The following MMP26 variants were observed in gnomAD, a reference collection of about 807,000 sequenced individuals.
The protein encoded by MMP26 is matrix metalloproteinase-26.
Under a neutral mutation model 31.0 loss-of-function variants are expected in MMP26, and 33 were observed. The ratio of observed to expected loss-of-function variants is 1.06; its 90% CI spans 0.81 to 1.42. MMP26 has a LOEUF of 1.42. MMP26 is among the 40% of genes most tolerant of loss of function. The pLI, the probability that MMP26 is intolerant of heterozygous loss-of-function variation, is 0.00. For synonymous variants in MMP26, 122 were observed against 114.9 expected (o/e 1.06, Z -0.40); for missense variants, 347 against 316.1 (o/e 1.10, Z -0.74).
chr11:4,771,022 A>C (rs577618338), intron 2 of MMP26, among the ~76,000 whole-genome samples: 1 of 152,286 alleles, frequency 6.6e-6, no homozygotes, highest in South Asian at 2.1e-4. Flanking sequence ...GTAATGATGA[A>C]AGTATTAGCA....
intron 1 of MMP26, among the ~76,000 whole-genome samples, chr11:4,708,279 T>G (rs1378660727): frequency 6.6e-6 from 1 of 152,176 alleles, no homozygotes; most frequent in Non-Finnish European, 1.5e-5. Flanking sequence ...CTATCTTTCT[T>G]TGCGTGTGTG....
chr11:4,882,687 C>T (rs755950632), intron 2 of MMP26: 2 of 1,613,946 alleles, frequency 1.2e-6, no homozygotes, highest in South Asian at 1.1e-5. Context: ...CTCTCTTTGG[C>T]ACACCGCCTC....
chr11:4,893,863 G>T (rs35495440), intron 2 of MMP26, among the ~76,000 whole-genome samples: 12,965 of 151,998 alleles, frequency 0.085, 689 homozygotes, highest in Middle Eastern at 0.19. Context: ...GTTTTGGGAA[G>T]CTGAGACAGG....
intron 2 of MMP26, chr11:4,881,753 TG>T: frequency 4.0e-6 from 3 of 742,720 alleles, no homozygotes; most frequent in Non-Finnish European, 6.6e-6. Context: ...TTAACCTTCC[TG>T]GGTCCATTTC....
chr11:4,923,505 A>G (rs1329562947), intron 2 of MMP26: 2 of 1,614,058 alleles, frequency 1.2e-6, no homozygotes, highest in Non-Finnish European at 1.7e-6. Flanking sequence ...TACACATAGG[A>G]CATGAAGAGG....
intron 2 of MMP26, among the ~76,000 whole-genome samples, chr11:4,805,489 T>C (rs61880856): frequency 2.6e-5 from 4 of 152,102 alleles, no homozygotes; most frequent in Non-Finnish European, 5.9e-5. Context: ...AACCTTTGTT[T>C]ACAAAAATGG....
chr11:4,849,091 T>C (rs1395298017), intron 2 of MMP26: 1 of 1,613,872 alleles, frequency 6.2e-7, no homozygotes, highest in Non-Finnish European at 8.5e-7. Context: ...TAGACAGCAA[T>C]GAGGGGCAAT....
At chr11:4,977,334 C>T (rs1846751858) in intron 2 of MMP26, among the ~76,000 whole-genome samples, 1 of 152,058 alleles carries the variant, frequency 6.6e-6, no homozygotes, top group Admixed American at 6.6e-5. Context: ...TATATTTAAT[C>T]TTGAAGAGAT....
chr11:4,835,151 A>G (rs1849699572), intron 2 of MMP26, among the ~76,000 whole-genome samples: 1 of 150,906 alleles, frequency 6.6e-6, no homozygotes, highest in Admixed American at 6.6e-5. Flanking sequence ...GATCCCTGTT[A>G]TGAATTCTCA....
Position 4,942,277 on chromosome 11 carries a change from G to C in MMP26, c.-144-45791G>C, listed in dbSNP as rs562694548. On this transcript the variant is annotated intron_variant, in intron 2 of 7. Transcript: ENST00000380390. ...TTTCTTTTTCAATTATACTACATTTGTTTGTTTGTTTATTATTTATTTATT... is the reference window on the plus strand; with the variant it reads ...TTTCTTTTTCAATTATACTACATTTCTTTGTTTGTTTATTATTTATTTATT... 2.0e-5 allele frequency among the ~76,000 whole-genome samples: 3 copies of C among 151,636 alleles called. No homozygotes were observed. In the East Asian group the frequency reaches 5.8e-4, roughly 29 times the overall value.
At position 4,923,935 on chromosome 11, in the gene MMP26, G is replaced by A. The variant is rs139832494; in HGVS notation, c.-144-64133G>A. The A allele has an allele frequency of 3.7e-6, 6 of 1,614,134 alleles. No homozygotes were observed. In the African/African-American group the frequency reaches 8.0e-5, roughly 22 times the overall value. On this transcript the variant is annotated intron_variant, in intron 2 of 7. Transcript: ENST00000380390. ...CAATACATGCAGGTGTCAGGACGGTGGAGTCATGCAGTGGGTTGCAGACGG... is the reference window on the plus strand; with the variant it reads ...CAATACATGCAGGTGTCAGGACGGTAGAGTCATGCAGTGGGTTGCAGACGG...
intron 2 of MMP26, chr11:4,945,398 T>C (rs557285169): frequency 2.0e-5 from 3 of 152,282 alleles, no homozygotes; most frequent in South Asian, 2.1e-4. Context: ...TCTGACGACG[T>C]TGAGTAAGTA....
intron 2 of MMP26, chr11:4,913,179 T>A (rs1851018199): frequency 6.6e-6 from 1 of 152,216 alleles, no homozygotes; most frequent in Non-Finnish European, 1.5e-5. Context: ...CTGATCCTTT[T>A]GATTATTTTG....
chr11:4,815,747 A>G (rs1849412045), intron 2 of MMP26, among the ~76,000 whole-genome samples: 1 of 152,204 alleles, frequency 6.6e-6, no homozygotes, highest in Admixed American at 6.5e-5. Flanking sequence ...GCTATGTAAA[A>G]TAATCCCAGG....
At chr11:4,984,425 C>T (rs1286011694) in intron 2 of MMP26, among the ~76,000 whole-genome samples, 1 of 152,180 alleles carries the variant, frequency 6.6e-6, no homozygotes, top group African/African-American at 2.4e-5. Flanking sequence ...ATAATGATCA[C>T]TTGTCCTGTG....
intron 2 of MMP26, among the ~76,000 whole-genome samples, chr11:4,843,682 T>G (rs1849827696): frequency 6.6e-6 from 1 of 152,248 alleles, no homozygotes; most frequent in African/African-American, 2.4e-5. Context: ...TGGGAGACAT[T>G]TTCCCCATTG....
intron 1 of MMP26, among the ~76,000 whole-genome samples, chr11:4,746,035 C>T (rs1848375827): frequency 6.6e-6 from 1 of 152,172 alleles, no homozygotes; most frequent in South Asian, 2.1e-4. Context: ...TGGCCTTGTA[C>T]TATAGTTGTT....
At chr11:4,824,474 T>C (rs1480425175) in intron 2 of MMP26, among the ~76,000 whole-genome samples, 1 of 152,138 alleles carries the variant, frequency 6.6e-6, no homozygotes, top group Non-Finnish European at 1.5e-5. Flanking sequence ...GAAGCCCATT[T>C]CCACAGAAGC....
chr11:4,785,597 A>T (rs139962123), intron 2 of MMP26, among the ~76,000 whole-genome samples: 113 of 152,282 alleles, frequency 7.4e-4, no homozygotes, highest in African/African-American at 2.6e-3. Flanking sequence ...GCTATTGTAC[A>T]TTATTTCATT....
Sources: allele counts gnomAD v4.1 joint callset (sites outside exome capture counted in the v4.1 genomes callset), GRCh38; gene constraint gnomAD v4.1.1; transcripts MANE v1.5; gene names NCBI Gene and HGNC (gene_info 2026-07-23, HGNC 2026-07-21).